Variants in RBFOX1 observed in about 807,000 individuals in gnomAD.
RBFOX1 encodes RNA binding protein fox-1 homolog 1.
In RBFOX1, 8 loss-of-function variants were observed where a neutral mutation model predicts 57.7. The ratio of observed to expected loss-of-function variants is 0.14; its 90% CI spans 0.08 to 0.25. The LOEUF (loss-of-function observed/expected upper bound fraction) is 0.25, where lower values mean the gene tolerates loss of function less well. RBFOX1 is among the 10% of genes least tolerant of loss of function. RBFOX1 has a pLI of 1.00. For missense variants in RBFOX1, 611 were observed against 548.5 expected (o/e 1.11, Z -1.14); for synonymous variants, 326 against 222.4 (o/e 1.47, Z -4.15).
At chr16:6,082,392 T>C (rs1193563531) in intron 1 of RBFOX1, among the ~76,000 whole-genome samples, 2 of 132,448 alleles carry the variant, frequency 1.5e-5, no homozygotes, top group Non-Finnish European at 3.1e-5. Flanking sequence ...TTAGTAGTCA[T>C]GGGGTCTCAC....
intron 3 of RBFOX1, among the ~76,000 whole-genome samples, chr16:6,742,284 A>G (rs1373263574): frequency 2.0e-5 from 3 of 152,158 alleles, no homozygotes; most frequent in Admixed American, 1.3e-4. Context: ...ATATAATAAC[A>G]TATCATTATA....
At chr16:6,212,106 C>T (rs1262278233) in intron 1 of RBFOX1, among the ~76,000 whole-genome samples, 1 of 152,084 alleles carries the variant, frequency 6.6e-6, no homozygotes, top group Non-Finnish European at 1.5e-5. Context: ...GATCTGCCAA[C>T]CTCGGCCTCC....
chr16:7,550,718 T>A (rs374623171), intron 5 of RBFOX1, among the ~76,000 whole-genome samples: 1 of 152,174 alleles, frequency 6.6e-6, no homozygotes, highest in African/African-American at 2.4e-5. Context: ...GGAGGGCACC[T>A]ACAGTGAGTT....
chr16:6,858,878 G>A (rs1603633179), intron 3 of RBFOX1, among the ~76,000 whole-genome samples: 1 of 151,706 alleles, frequency 6.6e-6, no homozygotes, highest in South Asian at 2.1e-4. Context: ...TATTTCTGAA[G>A]CTCAGCTATA....
intron 4 of RBFOX1, among the ~76,000 whole-genome samples, chr16:7,453,333 G>T (rs1391708119): frequency 1.3e-5 from 2 of 151,968 alleles, no homozygotes; most frequent in East Asian, 3.9e-4. Context: ...TATGAGGAAT[G>T]GAAGAGATCA....
chr16:6,329,241 T>G (rs1422637797), intron 2 of RBFOX1, among the ~76,000 whole-genome samples: 1 of 152,188 alleles, frequency 6.6e-6, no homozygotes, highest in African/African-American at 2.4e-5. Context: ...AAGTTTTGCT[T>G]ATGGGCCAGG....
At chr16:7,318,144 A>G (rs1339476380) in intron 4 of RBFOX1, among the ~76,000 whole-genome samples, 1 of 150,274 alleles carries the variant, frequency 6.7e-6, no homozygotes, top group Non-Finnish European at 1.5e-5. Context: ...AGTGGTGATA[A>G]TGGTGGTAAT....
chr16:7,202,398 G>C (rs7200345), intron 4 of RBFOX1, among the ~76,000 whole-genome samples: 24,336 of 151,856 alleles, frequency 0.16, 2,798 homozygotes, highest in African/African-American at 0.32. Flanking sequence ...AATAGTACAG[G>C]TGCTGTGGAA....
chr16:5,965,814 T>C (rs2059831776), intron 4 of RBFOX1, among the ~76,000 whole-genome samples: 1 of 152,104 alleles, frequency 6.6e-6, no homozygotes, highest in Non-Finnish European at 1.5e-5. Flanking sequence ...CCTTGGCCCT[T>C]CTTTGGAGAG....
intron 2 of RBFOX1, among the ~76,000 whole-genome samples, chr16:6,377,848 C>T (rs1596336819): frequency 6.6e-6 from 1 of 152,136 alleles, no homozygotes; most frequent in East Asian, 1.9e-4. Context: ...AACGTGGATT[C>T]CCAGACTATG....
At chr16:7,446,205 A>G (rs1333545827) in intron 4 of RBFOX1, among the ~76,000 whole-genome samples, 2 of 152,218 alleles carry the variant, frequency 1.3e-5, no homozygotes, top group African/African-American at 2.4e-5. Flanking sequence ...TCTCCTGGTT[A>G]TTAAAGTTGG....
At chr16:7,053,920 C>A (rs74008582) in intron 4 of RBFOX1, among the ~76,000 whole-genome samples, 2,815 of 152,106 alleles carry the variant, frequency 0.019, 77 homozygotes, top group African/African-American at 0.065. Flanking sequence ...TTGGATAGAG[C>A]ACACATATAT....
chr16:7,709,916 CAAG>C, intron 15 of RBFOX1: 1 of 1,055,774 alleles, frequency 9.5e-7, no homozygotes, highest in Non-Finnish European at 1.1e-6. Context: ...CTGCTTGGAT[CAAG>C]AATATCAGTC....
intron 3 of RBFOX1, among the ~76,000 whole-genome samples, chr16:6,728,758 C>G (rs1376822140): frequency 6.6e-6 from 1 of 152,110 alleles, no homozygotes; most frequent in Non-Finnish European, 1.5e-5. Context: ...TCCTTACCTT[C>G]TGAATTTCAA....
chr16:5,779,060 C>G (rs1456630270), intron 3 of RBFOX1, among the ~76,000 whole-genome samples: 1 of 152,190 alleles, frequency 6.6e-6, no homozygotes, highest in South Asian at 2.1e-4. Flanking sequence ...AATCTAGCCT[C>G]CAAGTTATGA....
chr16:7,433,517 G>T (rs138399768), intron 4 of RBFOX1, among the ~76,000 whole-genome samples: 1 of 152,188 alleles, frequency 6.6e-6, no homozygotes, highest in African/African-American at 2.4e-5. Context: ...ACAAATGCGC[G>T]GTGAAATCTT....
At chr16:6,140,786 A>G (rs1183490983) in intron 1 of RBFOX1, among the ~76,000 whole-genome samples, 2 of 152,042 alleles carry the variant, frequency 1.3e-5, no homozygotes, top group African/African-American at 4.8e-5. Flanking sequence ...AGCATCTTTC[A>G]TTTCTTCAAG....
chr16:6,866,075 C>T (rs1413676764), intron 3 of RBFOX1, among the ~76,000 whole-genome samples: 1 of 151,950 alleles, frequency 6.6e-6, no homozygotes, highest in Admixed American at 6.6e-5. Flanking sequence ...AAATAGAAGC[C>T]AAAAGATGAT....
intron 2 of RBFOX1, among the ~76,000 whole-genome samples, chr16:6,635,321 A>G (rs17140825): frequency 0.019 from 2,873 of 152,120 alleles, 89 homozygotes; most frequent in African/African-American, 0.065. Flanking sequence ...AACTTCATGA[A>G]AAAGTCAGAT....
Sources: gnomAD v4.1 joint callset for allele counts (sites outside exome capture counted in the v4.1 genomes callset) on GRCh38, gnomAD v4.1.1 for gene constraint, MANE v1.5 for transcripts, NCBI Gene and HGNC (gene_info 2026-07-23, HGNC 2026-07-21) for gene names.